Variants in TP53BP1 observed in about 807,000 individuals in gnomAD.
TP53BP1 encodes the protein tumor protein p53 binding protein 1, also known as TP53-binding protein 1.
A neutral mutation model predicts 200.8 loss-of-function variants in TP53BP1; 61 were observed. The observed-to-expected ratio is 0.30, with a 90% CI of 0.25 to 0.38. The LOEUF (loss-of-function observed/expected upper bound fraction) is 0.38, where lower values mean the gene tolerates loss of function less well. TP53BP1 is among the 10% of genes least tolerant of loss of function. The pLI is 1.00. For missense variants in TP53BP1, 2,144 were observed against 2,371.9 expected (o/e 0.90, Z 2.00); for synonymous variants, 822 against 844.3 (o/e 0.97, Z 0.46).
At chr15:43,415,552 G>T in intron 23 of TP53BP1, 42 bp downstream of exon 23, 1 of 1,595,324 alleles carries the variant, frequency 6.3e-7, no homozygotes. Flanking sequence ...CCTGCATTCT[G>T]CCATGGTCTG....
chr15:43,438,919 A>AT (rs779649798), intron 15 of TP53BP1, among the ~76,000 whole-genome samples: 3 of 152,116 alleles, frequency 2.0e-5, no homozygotes, highest in Non-Finnish European at 4.4e-5. Context: ...ACCATTGTCA[A>AT]TTTTTTAAAG....
chr15:43,455,047 A>C (rs142081841), intron 12 of TP53BP1, among the ~76,000 whole-genome samples: 2 of 152,368 alleles, frequency 1.3e-5, no homozygotes, highest in African/African-American at 4.8e-5. Context: ...ATACTTTAGA[A>C]AGTAATCTAC....
chr15:43,403,794 G>T lies in TP53BP1; in HGVS notation c.*3589C>A, dbSNP rs760614831. 33 of 1,612,470 alleles carry T rather than the reference G, an allele frequency of 2.0e-5. No individual in the cohort carries two copies. Among genetic ancestry groups the T allele is most frequent in the African/African-American group, 1.3e-5 (1 of 74,916 alleles). On this transcript the variant is annotated 3_prime_UTR_variant, in exon 28 of 28. Transcript: ENST00000382044. ...TGGAGCCGCCCAGCTGAGCATTCTC[G>T]TGAAGGTGCGTCTGCCTGGAAGTAT...
intron 24 of TP53BP1, among the ~76,000 whole-genome samples, chr15:43,412,495 C>A (rs2045145253): frequency 1.3e-5 from 2 of 152,224 alleles, no homozygotes; most frequent in Non-Finnish European, 2.9e-5. Flanking sequence ...CTACCCACTG[C>A]AGCCTTCCTT....
At position 43,405,275 on chromosome 15, in the gene TP53BP1, A is replaced by G; in HGVS notation, c.*2108T>C. On this transcript the variant is annotated 3_prime_UTR_variant, in exon 28 of 28. Coordinates refer to ENST00000382044, the MANE Select transcript of TP53BP1 (RefSeq NM_001141980.3). ...TTCCCAAGGTTGTAACAGAAGATTC[A>G]AAACATCCCATTCTAGCCACACACA... 1 of 1,574,672 alleles carries G rather than the reference A, an allele frequency of 6.4e-7. No homozygotes were observed. Among genetic ancestry groups the G allele is most frequent in the Non-Finnish European group, 8.7e-7 (1 of 1,144,412 alleles).
Position 43,421,891 on chromosome 15 carries a change from G to A in TP53BP1, c.4064C>T (p.Ala1355Val). 1 of 1,614,190 alleles carries A rather than the reference G, an allele frequency of 6.2e-7. No homozygotes were observed. Among genetic ancestry groups the A allele is most frequent in the Non-Finnish European group, 8.5e-7 (1 of 1,180,038 alleles). The part of the protein sequence containing the change: ...KTSGTEPADF[A>V]LPSSRGGPGK... ...TGGGCCTCCTCGGGAGCTGGGTAAG[G>A]CAAAATCTGCGGGTTCTGTCCCGCT... Residue 1355 changes from alanine (A) to valine (V), a missense_variant, in exon 19 of 28, where the codon GCC becomes GTC. Physicochemically the swap from Ala to Val is moderately conservative, Grantham distance 64. Coordinates refer to ENST00000382044, the MANE Select transcript of TP53BP1 (RefSeq NM_001141980.3).
chr15:43,456,986 A>C lies in TP53BP1; in HGVS notation c.1622T>G (p.Ile541Ser). 6.2e-7 allele frequency: 1 copy of C among 1,614,172 alleles called. No homozygotes were observed. The highest frequency in any genetic ancestry group is 1.1e-5 in the South Asian group (1 of 91,082). The change falls in exon 12 of 28, where the codon ATT (isoleucine) becomes AGT (serine). Residue 541 changes from isoleucine to serine, a missense_variant. Physicochemically the swap from Ile to Ser is moderately radical, Grantham distance 142. Coordinates refer to ENST00000382044, the MANE Select transcript of TP53BP1 (RefSeq NM_001141980.3). Reference protein sequence around the residue: ...PKMESLSSHRIDEDGENTQIE... With the variant: ...PKMESLSSHRSDEDGENTQIE... ...CTGTGTGTTTTCTCCATCTTCATCA[A>C]TTCTGTGAGAACTCAAGCTCTCCAT...
chr15:43,479,355 T>TAATTAGTATAC, intron 7 of TP53BP1, 42 bp downstream of exon 7: 1 of 1,560,004 alleles, frequency 6.4e-7, no homozygotes, highest in Non-Finnish European at 8.7e-7. Context: ...AGTATAACCC[T>TAATTAGTATAC]ACAGCAAAAC....
At chr15:43,425,197 T>C (rs1595537571) in intron 18 of TP53BP1, among the ~76,000 whole-genome samples, 1 of 152,282 alleles carries the variant, frequency 6.6e-6, no homozygotes, top group East Asian at 1.9e-4. Context: ...CTCAGGTGTT[T>C]AAATATAGCA....
At chr15:43,451,697 C>T (rs1229925135) in intron 12 of TP53BP1, among the ~76,000 whole-genome samples, 1 of 152,146 alleles carries the variant, frequency 6.6e-6, no homozygotes, top group Non-Finnish European at 1.5e-5. Context: ...TGGGTATATA[C>T]CCAGTAATGG....
chr15:43,467,617 C>G (rs545655224), intron 11 of TP53BP1, among the ~76,000 whole-genome samples: 1 of 151,938 alleles, frequency 6.6e-6, no homozygotes, highest in Non-Finnish European at 1.5e-5. Context: ...GTCCATTCTC[C>G]CTTTGTGGCC....
rs372481659 is a variant in TP53BP1, at chr15:43,475,736, T to G, written c.956-42A>C. On this transcript the variant is annotated intron_variant, in intron 8 of 27. Transcript: ENST00000382044. ...CCAGTTGCACTTCTCAGATTGACAC[T>G]ACTGAGCTGCCAAAAACCATTCAGT... 3 of 1,610,324 alleles carry G rather than the reference T, an allele frequency of 1.9e-6. No homozygotes were observed. In the African/African-American group the frequency reaches 4.0e-5, roughly 22 times the overall value.
chr15:43,446,274 C>G, intron 14 of TP53BP1, 113 bp downstream of exon 14: 1 of 840,034 alleles, frequency 1.2e-6, no homozygotes. Context: ...GAGTGTAAGA[C>G]TTTACAAATA....
chr15:43,457,074 A>G lies in TP53BP1; in HGVS notation c.1534T>C (p.Ser512Pro). 1 of 1,614,224 alleles carries G rather than the reference A, an allele frequency of 6.2e-7. No individual in the cohort carries two copies. The highest frequency in any genetic ancestry group is 8.5e-7 in the Non-Finnish European group (1 of 1,180,038). Residue 512 changes from serine to proline, a missense_variant, in exon 12 of 28, where the codon TCT (serine) becomes CCT (proline). By Grantham distance (74) the Ser-to-Pro change is moderately conservative. Coordinates refer to ENST00000382044, the MANE Select transcript of TP53BP1 (RefSeq NM_001141980.3). The part of the protein sequence containing the change: ...PKNSPEDLGL[S>P]LTGDSCKLML... ...AACTTGCAAGAATCCCCTGTCAAAG[A>G]TAGCCCAAGATCCTCAGGGGAATTC...
chr15:43,455,640 G>C (rs532028178), intron 12 of TP53BP1, among the ~76,000 whole-genome samples: 57 of 152,014 alleles, frequency 3.7e-4, no homozygotes, highest in African/African-American at 1.4e-3. Context: ...GAAATCACTT[G>C]AACCCGGGAG....
chr15:43,433,082 T>C (rs1478626319), intron 16 of TP53BP1, among the ~76,000 whole-genome samples: 1 of 152,126 alleles, frequency 6.6e-6, no homozygotes, highest in African/African-American at 2.4e-5. Context: ...AGATGTCTTA[T>C]CTGGCCTTAT....
intron 4 of TP53BP1, among the ~76,000 whole-genome samples, chr15:43,486,393 T>TA (rs932999545): frequency 3.6e-4 from 54 of 151,582 alleles, no homozygotes; most frequent in African/African-American, 1.3e-3. Context: ...AACAAACAAA[T>TA]AAACAAAAAT....
chr15:43,429,873 T>C (rs576486248), intron 17 of TP53BP1, among the ~76,000 whole-genome samples: 3 of 152,298 alleles, frequency 2.0e-5, no homozygotes, highest in Admixed American at 1.3e-4. Flanking sequence ...ACAATCAGAC[T>C]ATTCCGCACT....
rs2046295786 is a variant in TP53BP1, at chr15:43,456,329, C to T, written c.2279G>A (p.Ser760Asn). 4 of 1,613,960 alleles carry T rather than the reference C, an allele frequency of 2.5e-6. No homozygotes were observed. The highest frequency in any genetic ancestry group is 2.5e-6 in the Non-Finnish European group (3 of 1,179,996). The part of the protein sequence containing the change: ...AWEEATSEDS[S>N]VVIVDVKEPS... ...CTCTTTCACATCTACAATGACAACA[C>T]TGGAGTCCTCTGAAGTAGCTTCTTC... The change falls in exon 12 of 28, where the codon AGT becomes AAT. Residue 760 changes from serine to asparagine, a missense_variant. Around this residue, in one of 4 missense-constraint regions of TP53BP1, gnomAD observed 1,700 missense variants for 1,710.3 expected, o/e 0.99. Transcript: ENST00000382044.
Sources: gnomAD v4.1 joint callset for allele counts (sites outside exome capture counted in the v4.1 genomes callset) on GRCh38, gnomAD v4.1.1 for gene constraint, gnomAD v4.1.1 regional missense constraint, MANE v1.5 for transcripts, NCBI Gene and HGNC (gene_info 2026-07-23, HGNC 2026-07-21) for gene names.